The following CNTNAP4 variants were observed in gnomAD, a reference collection of about 807,000 sequenced individuals.
CNTNAP4 encodes contactin associated protein family member 4, also known as contactin-associated protein-like 4.
A neutral mutation model predicts 148.4 loss-of-function variants in CNTNAP4; 98 were observed. The ratio of observed to expected loss-of-function variants is 0.66; its 90% CI spans 0.56 to 0.78. The LOEUF (loss-of-function observed/expected upper bound fraction) is 0.78. Among genes scored for constraint, CNTNAP4 ranks in the 30% least tolerant of loss-of-function variants. The probability of loss-of-function intolerance (pLI) is 0.00; values close to 1 mark genes in which losing one functional copy is unlikely to be tolerated. For missense variants in CNTNAP4, 1,935 were observed against 1,565.6 expected (o/e 1.24, Z -3.98); for synonymous variants, 730 against 565.1 (o/e 1.29, Z -4.14).
At chr16:76,491,148 C>T (rs1022245821) in intron 13 of CNTNAP4, among the ~76,000 whole-genome samples, 1 of 152,110 alleles carries the variant, frequency 6.6e-6, no homozygotes, top group African/African-American at 2.4e-5. Flanking sequence ...TCCTCTTTCT[C>T]CTCCTCGTTT....
chr16:76,432,783 C>T (rs980517848), intron 4 of CNTNAP4, among the ~76,000 whole-genome samples: 39 of 152,078 alleles, frequency 2.6e-4, no homozygotes, highest in African/African-American at 8.9e-4. Context: ...ACTGTATAAA[C>T]ATCCTCATTT....
At chr16:76,453,797 A>G (rs1282798661) in intron 8 of CNTNAP4, among the ~76,000 whole-genome samples, 1 of 152,170 alleles carries the variant, frequency 6.6e-6, no homozygotes, top group African/African-American at 2.4e-5. Flanking sequence ...TAGTTTAAAT[A>G]CGGAACCGAG....
chr16:76,292,472 G>A (rs767209929), intron 1 of CNTNAP4, among the ~76,000 whole-genome samples: 7 of 152,144 alleles, frequency 4.6e-5, no homozygotes, highest in Non-Finnish European at 8.8e-5. Flanking sequence ...CCAGCCCTCA[G>A]CGGCATTACC....
Position 76,452,689 on chromosome 16 carries a change from G to A in CNTNAP4, c.1253G>A (p.Gly418Asp), listed in dbSNP as rs780366753. 4 of 1,613,438 alleles carry A rather than the reference G, an allele frequency of 2.5e-6. No individual in the cohort carries two copies. The highest frequency in any genetic ancestry group is 2.2e-5 in the South Asian group (2 of 90,968). The change falls in exon 8 of 24, where the codon GGT becomes GAT. Residue 418 changes from glycine to aspartate, a missense_variant. By Grantham distance (94) the Gly-to-Asp change is moderately conservative (BLOSUM62 -1). Transcript: ENST00000611870. ...AGTGAACTTCAGCTGATTTCAGGGG[G>A]TATCCTCCTCTTTCTGAGTGATGGA... is the stretch of plus-strand genomic sequence containing the variant. ...LFSELQLISG[G>D]ILLFLSDGKL... is the part of the protein sequence containing the mutation.
At chr16:76,524,500 C>A (rs1568505353) in intron 17 of CNTNAP4, among the ~76,000 whole-genome samples, 1 of 152,150 alleles carries the variant, frequency 6.6e-6, no homozygotes, top group Non-Finnish European at 1.5e-5. Context: ...GATGACCTTT[C>A]ATTCTTGGTA....
At chr16:76,381,682 T>A (rs2015981899) in intron 3 of CNTNAP4, among the ~76,000 whole-genome samples, 1 of 152,236 alleles carries the variant, frequency 6.6e-6, no homozygotes, top group African/African-American at 2.4e-5. Flanking sequence ...TGTTATTTAC[T>A]TAAATAAAGG....
intron 3 of CNTNAP4, among the ~76,000 whole-genome samples, chr16:76,409,653 G>C (rs34449971): frequency 0.36 from 54,016 of 151,866 alleles, 11,072 homozygotes; most frequent in Non-Finnish European, 0.44. Flanking sequence ...TTCCTAGGAA[G>C]TATTCTATTG....
At chr16:76,549,764 C>T (rs1345669753) in intron 21 of CNTNAP4, among the ~76,000 whole-genome samples, 1 of 151,848 alleles carries the variant, frequency 6.6e-6, no homozygotes, top group Non-Finnish European at 1.5e-5. Context: ...GTATTTGACC[C>T]ACAGAGATGT....
At chr16:76,370,709 T>C (rs554546059) in intron 3 of CNTNAP4, among the ~76,000 whole-genome samples, 1 of 152,192 alleles carries the variant, frequency 6.6e-6, no homozygotes, top group Non-Finnish European at 1.5e-5. Context: ...ATTGCCTCTA[T>C]GAGCTGCTTT....
At chr16:76,285,818 G>A (rs1958857512) in intron 1 of CNTNAP4, among the ~76,000 whole-genome samples, 1 of 151,704 alleles carries the variant, frequency 6.6e-6, no homozygotes, top group Non-Finnish European at 1.5e-5. Context: ...CTAGCAATTG[G>A]TTGTAAGCCT....
intron 3 of CNTNAP4, among the ~76,000 whole-genome samples, chr16:76,392,670 C>T (rs563836380): frequency 6.8e-4 from 104 of 152,298 alleles, no homozygotes; most frequent in African/African-American, 2.5e-3. Flanking sequence ...AAATGTGCCT[C>T]AGTCAAACAC....
intron 2 of CNTNAP4, among the ~76,000 whole-genome samples, chr16:76,321,303 G>A (rs1962382765): frequency 6.6e-6 from 1 of 152,158 alleles, no homozygotes; most frequent in African/African-American, 2.4e-5. Context: ...AATCTATATA[G>A]CGTTGTTTGG....
At chr16:76,352,388 G>T (rs1051477525) in intron 2 of CNTNAP4, among the ~76,000 whole-genome samples, 2 of 152,104 alleles carry the variant, frequency 1.3e-5, no homozygotes, top group African/African-American at 4.8e-5. Flanking sequence ...TGACCCTACT[G>T]CCTGGTAGCT....
At position 76,558,815 on chromosome 16, in the gene CNTNAP4, A is replaced by T. The variant is rs570005248; in HGVS notation, c.*132A>T. The T allele has an allele frequency of 1.5e-4, 93 of 628,636 alleles. No homozygotes were observed. In the African/African-American group the frequency reaches 1.6e-3, roughly 11 times the overall value. The allele number at this position is 628,636 out of a possible 1,614,324, so 38.9% of individuals were successfully genotyped here. On this transcript the variant is annotated 3_prime_UTR_variant, in exon 24 of 24. Transcript: ENST00000611870. Reference sequence around the variant, plus strand: ...GCAGCACTGCCATCTTGCCATGTACAGGCTTGGGGTGGCTCCAGGAAGCCT... The same window carrying T: ...GCAGCACTGCCATCTTGCCATGTACTGGCTTGGGGTGGCTCCAGGAAGCCT...
intron 1 of CNTNAP4, among the ~76,000 whole-genome samples, chr16:76,299,330 C>T (rs889515744): frequency 3.9e-5 from 6 of 152,122 alleles, no homozygotes; most frequent in Non-Finnish European, 7.3e-5. Flanking sequence ...AACAAATGGG[C>T]GAAGGATATG....
At chr16:76,526,049 G>T (rs145017744) in intron 17 of CNTNAP4, among the ~76,000 whole-genome samples, 1 of 152,014 alleles carries the variant, frequency 6.6e-6, no homozygotes, top group African/African-American at 2.4e-5. Flanking sequence ...AAGTAAAAAG[G>T]GTAGCATGGA....
At chr16:76,469,049 T>G (rs1343493557) in intron 10 of CNTNAP4, among the ~76,000 whole-genome samples, 1 of 152,184 alleles carries the variant, frequency 6.6e-6, no homozygotes, top group African/African-American at 2.4e-5. Flanking sequence ...ACTCTTCTAT[T>G]TATATCCAAT....
chr16:76,495,158 G>A, intron 14 of CNTNAP4, 92 bp downstream of exon 14: 2 of 1,322,700 alleles, frequency 1.5e-6, no homozygotes, highest in Non-Finnish European at 2.1e-6. Flanking sequence ...TACTGAACAA[G>A]TTAGTGCAAT....
chr16:76,553,825 T>C lies in CNTNAP4; in HGVS notation c.3662-11T>C. 1 of 1,598,158 alleles carries C rather than the reference T, an allele frequency of 6.3e-7. No individual in the cohort carries two copies. The highest frequency in any genetic ancestry group is 2.2e-5 in the East Asian group (1 of 44,764). On this transcript the variant is annotated splice_polypyrimidine_tract_variant and intron_variant, in intron 22 of 23. Coordinates refer to ENST00000611870, the MANE Select transcript of CNTNAP4 (RefSeq NM_033401.5). Reference sequence around the variant, plus strand: ...ATATCACCTTCCCCCTTTGTTGTGCTTTAACTGCAGATCATTCTGGAACAA... The same window carrying C: ...ATATCACCTTCCCCCTTTGTTGTGCCTTAACTGCAGATCATTCTGGAACAA...
Sources: gnomAD v4.1 joint callset for allele counts (sites outside exome capture counted in the v4.1 genomes callset) on GRCh38, gnomAD v4.1.1 for gene constraint, MANE v1.5 for transcripts, NCBI Gene and HGNC (gene_info 2026-07-23, HGNC 2026-07-21) for gene names.